The following CSMD1 variants were observed in gnomAD, a reference collection of about 807,000 sequenced individuals.
The protein encoded by CSMD1 is CUB and Sushi multiple domains 1.
A neutral mutation model predicts 417.5 loss-of-function variants in CSMD1; 213 were observed. The observed-to-expected ratio is 0.51, with a 90% confidence interval of 0.46 to 0.57. CSMD1 has a LOEUF of 0.57. Ranked by LOEUF, CSMD1 falls within the 20% of genes least tolerant of loss-of-function variation. The probability of loss-of-function intolerance (pLI) is 0.00; values close to 1 mark genes in which losing one functional copy is unlikely to be tolerated. For missense variants in CSMD1, 6,923 were observed against 4,529.7 expected, an observed-to-expected ratio of 1.53 and a Z score of -15.17; for synonymous variants, 2,862 against 1,736.8, an observed-to-expected ratio of 1.65 and a Z score of -16.11.
intron 2 of CSMD1, among the ~76,000 whole-genome samples, chr8:4,637,110 C>T (rs550895380): frequency 3.3e-5 from 5 of 152,266 alleles, no homozygotes; most frequent in East Asian, 3.9e-4. Context: ...AAACTTTATT[C>T]GCTCTTAGCA....
At chr8:3,622,052 T>A (rs1796278163) in intron 7 of CSMD1, among the ~76,000 whole-genome samples, 1 of 151,828 alleles carries the variant, frequency 6.6e-6, no homozygotes, top group African/African-American at 2.4e-5. Context: ...ATTCTGATAC[T>A]CTACTACTTT....
intron 3 of CSMD1, among the ~76,000 whole-genome samples, chr8:4,179,618 A>C (rs1563231208): frequency 6.6e-6 from 1 of 152,106 alleles, no homozygotes; most frequent in Non-Finnish European, 1.5e-5. Flanking sequence ...CAGCAAAACA[A>C]ACTACCATCA....
intron 23 of CSMD1, among the ~76,000 whole-genome samples, chr8:3,326,369 C>G (rs1806532456): frequency 1.3e-5 from 2 of 152,182 alleles, no homozygotes; most frequent in African/African-American, 4.8e-5. Context: ...ACCTTCCTCC[C>G]TTTGAGAAAT....
chr8:4,058,580 TA>T, intron 3 of CSMD1, among the ~76,000 whole-genome samples: 1 of 151,158 alleles, frequency 6.6e-6, no homozygotes, highest in East Asian at 1.9e-4. Context: ...AGGCTCAAAA[TA>T]AAAGGATGGA....
At chr8:4,863,498 G>A (rs1802251498) in intron 1 of CSMD1, among the ~76,000 whole-genome samples, 1 of 152,020 alleles carries the variant, frequency 6.6e-6, no homozygotes, top group South Asian at 2.1e-4. Context: ...ATTTAGTTCA[G>A]TGTTGAATAT....
chr8:4,625,872 C>A (rs1010187678), intron 2 of CSMD1, among the ~76,000 whole-genome samples: 1 of 152,030 alleles, frequency 6.6e-6, no homozygotes, highest in African/African-American at 2.4e-5. Flanking sequence ...TACAGGTACA[C>A]ACCCCCACGC....
At chr8:4,235,195 C>T (rs910235765) in intron 3 of CSMD1, among the ~76,000 whole-genome samples, 1 of 152,136 alleles carries the variant, frequency 6.6e-6, no homozygotes, top group African/African-American at 2.4e-5. Context: ...CTCTCCTGTC[C>T]AAACTCAAGA....
chr8:4,569,002 C>T (rs1003168290), intron 2 of CSMD1, among the ~76,000 whole-genome samples: 1 of 151,974 alleles, frequency 6.6e-6, no homozygotes, highest in Non-Finnish European at 1.5e-5. Flanking sequence ...CTTATAAATT[C>T]TGGATATTAG....
chr8:3,406,088 G>A lies in CSMD1; in HGVS notation c.2205C>T (p.Ser735=), dbSNP rs1230322730. 2.5e-6 allele frequency: 4 copies of A among 1,613,986 alleles called. No homozygotes were observed. The highest frequency in any genetic ancestry group is 2.2e-5 in the East Asian group (1 of 44,854). The change falls in exon 15 of 70, where the codon TCC becomes TCT. Residue 735 remains serine, a synonymous_variant. Transcript: ENST00000635120. ...TCCCGTCTTGCAGTATGCAGGTAATGGACTCGGATCCCTGGGTCTTGACAA... is the reference window on the plus strand; with the variant it reads ...TCCCGTCTTGCAGTATGCAGGTAATAGACTCGGATCCCTGGGTCTTGACAA... ...DGFVKTQGSE[S]ITCILQDGNV...
At chr8:4,413,824 C>T (rs1796783580) in intron 3 of CSMD1, among the ~76,000 whole-genome samples, 1 of 152,106 alleles carries the variant, frequency 6.6e-6, no homozygotes, top group Non-Finnish European at 1.5e-5. Flanking sequence ...AAGGTGAGGA[C>T]CCTACTTCTA....
At chr8:3,931,781 C>A (rs1421677890) in intron 5 of CSMD1, among the ~76,000 whole-genome samples, 3 of 148,288 alleles carry the variant, frequency 2.0e-5, no homozygotes, top group African/African-American at 5.0e-5. Flanking sequence ...ACCTAAGACC[C>A]CACTAAGGAA....
chr8:2,966,500 G>C (rs532151203), intron 58 of CSMD1, 70 bp downstream of exon 58: 1 of 1,424,414 alleles, frequency 7.0e-7, no homozygotes, highest in Non-Finnish European at 9.6e-7. Flanking sequence ...ACACCTTAAA[G>C]TCATTTTTTT....
chr8:3,104,714 T>TC (rs372261169), intron 46 of CSMD1, among the ~76,000 whole-genome samples: 127 of 150,298 alleles, frequency 8.4e-4, no homozygotes, highest in African/African-American at 2.7e-3. Flanking sequence ...TCTTTTCTTT[T>TC]TTTTTTTTTT....
chr8:3,777,965 C>T (rs1295999519), intron 5 of CSMD1, among the ~76,000 whole-genome samples: 1 of 152,118 alleles, frequency 6.6e-6, no homozygotes, highest in Non-Finnish European at 1.5e-5. Flanking sequence ...AGACCTGCAG[C>T]CTCCTTGAAG....
At chr8:3,435,515 C>A (rs575081451) in intron 12 of CSMD1, among the ~76,000 whole-genome samples, 5 of 152,228 alleles carry the variant, frequency 3.3e-5, no homozygotes, top group Non-Finnish European at 5.9e-5. Flanking sequence ...CCCACTCTGT[C>A]CACCTCTCCA....
chr8:3,288,445 G>C (rs1457212874), intron 25 of CSMD1, among the ~76,000 whole-genome samples: 1 of 146,790 alleles, frequency 6.8e-6, no homozygotes, highest in Non-Finnish European at 1.5e-5. Context: ...TTTTTTGGTT[G>C]GTAAGCTACT....
intron 2 of CSMD1, among the ~76,000 whole-genome samples, chr8:4,455,758 C>A (rs926902990): frequency 1.3e-5 from 2 of 151,138 alleles, no homozygotes; most frequent in Non-Finnish European, 2.9e-5. Flanking sequence ...TGGTGAAACC[C>A]CGTCTCTACT....
chr8:4,954,083 T>C (rs747656283), intron 1 of CSMD1, among the ~76,000 whole-genome samples: 3 of 152,198 alleles, frequency 2.0e-5, no homozygotes, highest in African/African-American at 7.2e-5. Context: ...ATTTCTTCCA[T>C]GTATCCTACC....
At chr8:4,688,525 G>A (rs776322197) in intron 1 of CSMD1, among the ~76,000 whole-genome samples, 2 of 152,108 alleles carry the variant, frequency 1.3e-5, no homozygotes, top group African/African-American at 2.4e-5. Context: ...GAATACCAAG[G>A]AAAATTCTCC....
Sources: gnomAD v4.1 joint callset for allele counts (sites outside exome capture counted in the v4.1 genomes callset) on GRCh38, gnomAD v4.1.1 for gene constraint, MANE v1.5 for transcripts, NCBI Gene and HGNC (gene_info 2026-07-23, HGNC 2026-07-21) for gene names.